GALNT17: variants seen among roughly 807,000 people sequenced by gnomAD.
GALNT17 encodes UDP-GalNAc:polypeptide N-acetylgalactosaminyltransferase-like 3.
Under a neutral mutation model 63.7 loss-of-function variants are expected in GALNT17, and 29 were observed. That is an observed-to-expected ratio of 0.46 (90% CI 0.34 to 0.62). The LOEUF (loss-of-function observed/expected upper bound fraction) is 0.62. Among genes scored for constraint, GALNT17 ranks in the 20% least tolerant of loss-of-function variants. GALNT17 has a pLI of 0.01. For synonymous variants in GALNT17, 305 were observed against 318.3 expected (o/e 0.96, Z 0.45); for missense variants, 603 against 799.6 (o/e 0.75, Z 2.97).
At chr7:71,295,918 T>A (rs74743438) in intron 1 of GALNT17, among the ~76,000 whole-genome samples, 2 of 143,550 alleles carry the variant, frequency 1.4e-5, no homozygotes, top group Non-Finnish European at 3.1e-5. Context: ...CTTTCTTGGG[T>A]TTTTTTTTTT....
intron 1 of GALNT17, among the ~76,000 whole-genome samples, chr7:71,236,299 G>T (rs1161484203): frequency 6.6e-6 from 1 of 152,118 alleles, no homozygotes; most frequent in Non-Finnish European, 1.5e-5. Flanking sequence ...CTATCTCAGG[G>T]TATTTTAATT....
At chr7:71,449,015 T>C (rs899332774) in intron 5 of GALNT17, among the ~76,000 whole-genome samples, 4 of 151,934 alleles carry the variant, frequency 2.6e-5, no homozygotes, top group Non-Finnish European at 5.9e-5. Flanking sequence ...TTTGTTAAAG[T>C]TGACAGCTGA....
intron 1 of GALNT17, among the ~76,000 whole-genome samples, chr7:71,317,988 T>G (rs1282557983): frequency 1.3e-5 from 2 of 151,876 alleles, no homozygotes; most frequent in African/African-American, 2.4e-5. Flanking sequence ...ATGGTGTGAT[T>G]GCAGCTCACT....
intron 6 of GALNT17, among the ~76,000 whole-genome samples, chr7:71,599,884 G>C (rs1478108708): frequency 6.6e-6 from 1 of 151,830 alleles, no homozygotes; most frequent in Non-Finnish European, 1.5e-5. Context: ...TCTTATTGTG[G>C]GGTAGAGGGT....
intron 1 of GALNT17, among the ~76,000 whole-genome samples, chr7:71,323,752 A>G (rs1359576603): frequency 2.0e-5 from 3 of 152,248 alleles, no homozygotes; most frequent in African/African-American, 7.2e-5. Flanking sequence ...AGTGCAGTTT[A>G]TAATGCACTC....
chr7:71,349,223 G>C (rs559807140), intron 2 of GALNT17, among the ~76,000 whole-genome samples: 2 of 152,274 alleles, frequency 1.3e-5, no homozygotes, highest in South Asian at 4.1e-4. Flanking sequence ...AGAGAACCAC[G>C]GTGCTTTCGT....
chr7:71,548,671 C>G (rs1789026904), intron 5 of GALNT17, among the ~76,000 whole-genome samples: 1 of 152,216 alleles, frequency 6.6e-6, no homozygotes, highest in South Asian at 2.1e-4. Context: ...CCTCCCCAGC[C>G]ATGTGGAACT....
At chr7:71,439,043 A>C (rs751429118) in intron 5 of GALNT17, among the ~76,000 whole-genome samples, 4 of 151,996 alleles carry the variant, frequency 2.6e-5, no homozygotes, top group African/African-American at 9.7e-5. Flanking sequence ...CACCACCACC[A>C]TGCCTGGCTA....
intron 3 of GALNT17, among the ~76,000 whole-genome samples, chr7:71,400,550 T>A (rs938154501): frequency 1.3e-5 from 2 of 152,238 alleles, no homozygotes; most frequent in African/African-American, 4.8e-5. Flanking sequence ...TGATTCATTA[T>A]GCTTAGACTA....
intron 5 of GALNT17, among the ~76,000 whole-genome samples, chr7:71,490,139 T>A (rs914492037): frequency 6.6e-6 from 1 of 151,844 alleles, no homozygotes; most frequent in Non-Finnish European, 1.5e-5. Context: ...GCACCTGTAA[T>A]CCCAGCTACT....
At chr7:71,558,559 A>G (rs558539746) in intron 5 of GALNT17, among the ~76,000 whole-genome samples, 5 of 152,234 alleles carry the variant, frequency 3.3e-5, no homozygotes, top group East Asian at 1.9e-4. Flanking sequence ...TGTTCACTCA[A>G]CCATGTCTCA....
At chr7:71,178,097 G>T (rs187976629) in intron 1 of GALNT17, among the ~76,000 whole-genome samples, 5 of 152,138 alleles carry the variant, frequency 3.3e-5, no homozygotes, top group Non-Finnish European at 7.4e-5. Flanking sequence ...TGTAGTGTGG[G>T]TCTGCTTATA....
At chr7:71,375,878 G>A (rs905887612) in intron 2 of GALNT17, among the ~76,000 whole-genome samples, 12 of 152,148 alleles carry the variant, frequency 7.9e-5, no homozygotes, top group African/African-American at 1.9e-4. Context: ...AGGAGTTCAC[G>A]ACCAGCCTGA....
At chr7:71,401,662 T>C (rs749640410) in intron 3 of GALNT17, among the ~76,000 whole-genome samples, 1 of 152,128 alleles carries the variant, frequency 6.6e-6, no homozygotes, top group South Asian at 2.1e-4. Flanking sequence ...TACAGAGGCA[T>C]GAACCCTATT....
intron 5 of GALNT17, among the ~76,000 whole-genome samples, chr7:71,464,073 A>G (rs575619081): frequency 2.0e-5 from 3 of 152,202 alleles, no homozygotes; most frequent in East Asian, 1.9e-4. Flanking sequence ...AATTATAACT[A>G]TATTTCTGTT....
intron 1 of GALNT17, among the ~76,000 whole-genome samples, chr7:71,237,336 A>AG (rs1789911470): frequency 6.6e-6 from 1 of 151,956 alleles, no homozygotes. Context: ...ATTGGGGCTC[A>AG]GAGGGGTGTA....
At chr7:71,157,876 T>C (rs1788266777) in intron 1 of GALNT17, among the ~76,000 whole-genome samples, 1 of 151,768 alleles carries the variant, frequency 6.6e-6, no homozygotes, top group South Asian at 2.1e-4. Flanking sequence ...GACCAGGCAG[T>C]ATTTGCCTTT....
intron 1 of GALNT17, among the ~76,000 whole-genome samples, chr7:71,221,603 C>T (rs974103402): frequency 6.6e-6 from 1 of 152,116 alleles, no homozygotes; most frequent in African/African-American, 2.4e-5. Context: ...TAGATTCTCC[C>T]TGCTATGGAC....
chr7:71,173,895 A>C (rs937655492), intron 1 of GALNT17, among the ~76,000 whole-genome samples: 1 of 152,218 alleles, frequency 6.6e-6, no homozygotes, highest in Non-Finnish European at 1.5e-5. Flanking sequence ...CAGAGTAAGC[A>C]TTCAATAAAT....
Sources: allele counts gnomAD v4.1 joint callset (sites outside exome capture counted in the v4.1 genomes callset), GRCh38; gene constraint gnomAD v4.1.1; transcripts MANE v1.5; gene names NCBI Gene and HGNC (gene_info 2026-07-23, HGNC 2026-07-21).